CCDC6: variants seen among roughly 807,000 people sequenced by gnomAD.
The protein encoded by CCDC6 is coiled-coil domain-containing protein 6.
Under a neutral mutation model 56.6 loss-of-function variants are expected in CCDC6, and 20 were observed. The ratio of observed to expected loss-of-function variants is 0.35; its 90% CI spans 0.25 to 0.51. The LOEUF (loss-of-function observed/expected upper bound fraction) is 0.51, where lower values mean the gene tolerates loss of function less well. Among genes scored for constraint, CCDC6 ranks in the 20% least tolerant of loss-of-function variants. The pLI, the probability that CCDC6 is intolerant of heterozygous loss-of-function variation, is 0.95. For synonymous variants in CCDC6, 241 were observed against 234.4 expected (o/e 1.03, Z -0.26); for missense variants, 367 against 601.1 (o/e 0.61, Z 4.07).
intron 2 of CCDC6, 73 bp from the exon 3 acceptor site, chr10:59,832,726 T>A (rs1366188195): frequency 4.2e-5 from 64 of 1,514,706 alleles, no homozygotes; most frequent in Middle Eastern, 3.5e-4. Flanking sequence ...CTCCAAAAGG[T>A]GACTATACAA....
At chr10:59,869,102 A>G (rs2071202922) in intron 1 of CCDC6, among the ~76,000 whole-genome samples, 1 of 152,102 alleles carries the variant, frequency 6.6e-6, no homozygotes, top group African/African-American at 2.4e-5. Context: ...TTCAAAAGCC[A>G]ATGGGAGCCA....
At chr10:59,824,286 T>C (rs1174930241) in intron 3 of CCDC6, among the ~76,000 whole-genome samples, 2 of 152,174 alleles carry the variant, frequency 1.3e-5, no homozygotes, top group East Asian at 1.9e-4. Context: ...CACCCCTAAG[T>C]TGGCTTCATC....
chr10:59,840,857 T>C lies in CCDC6; in HGVS notation c.454-8204A>G, dbSNP rs569606590. Among the ~76,000 whole-genome samples the C allele has an allele frequency of 8.5e-4, 129 of 152,352 alleles. No homozygotes were observed. In the South Asian group the frequency reaches 0.011, roughly 13 times the overall value. ...AGAATCCAAAGTTTACCATCTTCAG[T>C]ACTACTTCCTGAATAATCCACTCCA... On this transcript the variant is annotated intron_variant, in intron 2 of 8. Transcript: ENST00000263102.
At chr10:59,853,666 G>GA (rs2071057304) in intron 1 of CCDC6, among the ~76,000 whole-genome samples, 1 of 152,180 alleles carries the variant, frequency 6.6e-6, no homozygotes, top group Non-Finnish European at 1.5e-5. Flanking sequence ...AGAGGTAGTG[G>GA]AAATCTAGGG....
At chr10:59,886,825 G>A (rs1227042076) in intron 1 of CCDC6, among the ~76,000 whole-genome samples, 4 of 152,088 alleles carry the variant, frequency 2.6e-5, no homozygotes, top group Non-Finnish European at 5.9e-5. Flanking sequence ...AAACAAGAAA[G>A]GATATCAACT....
chr10:59,870,885 C>A (rs1024444107), intron 1 of CCDC6, among the ~76,000 whole-genome samples: 4 of 152,194 alleles, frequency 2.6e-5, no homozygotes, highest in African/African-American at 9.7e-5. Flanking sequence ...CAGCCCGGGA[C>A]TATTAAATGA....
intron 2 of CCDC6, among the ~76,000 whole-genome samples, chr10:59,838,890 C>T (rs903931258): frequency 1.3e-5 from 2 of 152,184 alleles, no homozygotes; most frequent in Non-Finnish European, 2.9e-5. Context: ...TTCCCCAATG[C>T]TTTCCCACAG....
At chr10:59,877,436 C>T (rs957558458) in intron 1 of CCDC6, among the ~76,000 whole-genome samples, 2 of 152,098 alleles carry the variant, frequency 1.3e-5, no homozygotes, top group African/African-American at 2.4e-5. Context: ...GATGTAAATG[C>T]GAAATGGCAG....
chr10:59,877,144 C>T (rs911129133), intron 1 of CCDC6, among the ~76,000 whole-genome samples: 2 of 152,178 alleles, frequency 1.3e-5, no homozygotes, highest in East Asian at 1.9e-4. Context: ...AATGCCATTA[C>T]GCAGTGCATA....
intron 1 of CCDC6, among the ~76,000 whole-genome samples, chr10:59,868,972 T>C (rs187495010): frequency 3.9e-5 from 6 of 152,008 alleles, no homozygotes; most frequent in Admixed American, 2.0e-4. Flanking sequence ...TAATACATCT[T>C]AGCCATGAGT....
At position 59,895,338 on chromosome 10, in the gene CCDC6, A is replaced by G. The variant is rs536039053; in HGVS notation, c.303+10784T>C. Reference sequence around the variant, plus strand: ...ACCAAACAAAAAGGCCTGTCCCTAAATTAATTTATATGCCATCTTCCCACA... The same window carrying G: ...ACCAAACAAAAAGGCCTGTCCCTAAGTTAATTTATATGCCATCTTCCCACA... On this transcript the variant is annotated intron_variant, in intron 1 of 8. Transcript: ENST00000263102. 4.6e-5 allele frequency among the ~76,000 whole-genome samples: 7 copies of G among 152,278 alleles called. No individual in the cohort carries two copies. The East Asian group carries it at 1.2e-3, about 25-fold the overall frequency.
intron 1 of CCDC6, among the ~76,000 whole-genome samples, chr10:59,861,340 C>T (rs1149663): frequency 0.17 from 24,685 of 149,116 alleles, 2,542 homozygotes; most frequent in African/African-American, 0.29. Context: ...GCCTGGGCAA[C>T]GGAGTAAGAC....
At chr10:59,817,613 C>T (rs1019291571) in intron 3 of CCDC6, among the ~76,000 whole-genome samples, 1 of 152,126 alleles carries the variant, frequency 6.6e-6, no homozygotes, top group South Asian at 2.1e-4. Flanking sequence ...CATCATTTTG[C>T]GGTATGATGT....
chr10:59,823,452 C>T (rs908147012), intron 3 of CCDC6, among the ~76,000 whole-genome samples: 4 of 152,198 alleles, frequency 2.6e-5, no homozygotes, highest in Admixed American at 2.6e-4. Context: ...AGTTCCCACA[C>T]TGGAGTTGAG....
At chr10:59,826,799 T>C (rs938934539) in intron 3 of CCDC6, among the ~76,000 whole-genome samples, 43 of 152,286 alleles carry the variant, frequency 2.8e-4, no homozygotes, top group African/African-American at 9.4e-4. Flanking sequence ...GAGGCTTAAA[T>C]GATATACACA....
chr10:59,805,488 T>C (rs2070613376), intron 6 of CCDC6: 1 of 152,226 alleles, frequency 6.6e-6, no homozygotes, highest in South Asian at 2.1e-4. Context: ...TCTGGAAGGC[T>C]GAAATTGCTT....
At chr10:59,892,876 C>G (rs1428302688) in intron 1 of CCDC6, among the ~76,000 whole-genome samples, 4 of 151,938 alleles carry the variant, frequency 2.6e-5, no homozygotes, top group African/African-American at 9.7e-5. Context: ...GCCTGAATGT[C>G]CTCTGCTGTG....
At chr10:59,825,838 C>T (rs2070783756) in intron 3 of CCDC6, among the ~76,000 whole-genome samples, 1 of 152,156 alleles carries the variant, frequency 6.6e-6, no homozygotes, top group Non-Finnish European at 1.5e-5. Context: ...AATTTTCTTT[C>T]CTTCCTGATA....
chr10:59,803,027 C>A lies in CCDC6; in HGVS notation c.1105+1393G>T, dbSNP rs2070590631. Among the ~76,000 whole-genome samples the A allele has an allele frequency of 2.0e-5, 3 of 152,142 alleles. No homozygotes were observed. In the South Asian group the frequency reaches 6.2e-4, roughly 32 times the overall value. On this transcript the variant is annotated intron_variant, in intron 7 of 8. Transcript: ENST00000263102. ...TCAATAAATCAGAAGGCAAAAAAGA[C>A]CTTTATCATGGTAATGAAACCCAAG... is the stretch of plus-strand genomic sequence containing the variant.
Sources: allele counts gnomAD v4.1 joint callset (sites outside exome capture counted in the v4.1 genomes callset), GRCh38; gene constraint gnomAD v4.1.1; transcripts MANE v1.5; gene names NCBI Gene and HGNC (gene_info 2026-07-23, HGNC 2026-07-21).